Variants in OR1S2 observed in about 807,000 individuals in gnomAD.
The protein encoded by OR1S2 is olfactory receptor family 1 subfamily S member 2.
Under a neutral mutation model 1.7 loss-of-function variants are expected in OR1S2, and 1 was observed. The ratio of observed to expected loss-of-function variants is 0.59; its 90% CI spans 0.21 to 2.81. OR1S2 has a LOEUF of 2.81. Ranked by LOEUF, OR1S2 falls within the 30% of genes most tolerant of loss-of-function variation. The probability of loss-of-function intolerance (pLI) is 0.22; values close to 1 mark genes in which losing one functional copy is unlikely to be tolerated. For missense variants in OR1S2, 391 were observed against 371.6 expected (o/e 1.05, Z -0.43); for synonymous variants, 157 against 145.3 (o/e 1.08, Z -0.58).
exon 1 of OR1S2, chr11:58,203,760 T>C (rs1464664617): frequency 6.2e-7 from 1 of 1,613,976 alleles, no homozygotes; most frequent in Admixed American, 1.7e-5. Context: ...GTTCAGAGGG[T>C]GGCAGATCGC....
chr11:58,203,984 T>A (rs768128748), exon 1 of OR1S2: 1 of 1,613,702 alleles, frequency 6.2e-7, no homozygotes, highest in African/African-American at 1.3e-5. Flanking sequence ...TGTGAAGGTA[T>A]ATATCCAAGC....
rs1251473327 is a variant in OR1S2, at chr11:58,204,049, G to A, written c.94C>T (p.Leu32=). ...ACCACAGTGACCACATACATACTCA[G>A]GAAAAGCACAAAGAGGAGGTTTTGA... The change falls in exon 1 of 1, where the codon CTG becomes TTG. Residue 32 remains leucine (L), a synonymous_variant. Coordinates refer to ENST00000641683, the Ensembl canonical transcript of OR1S2. 6 of 1,613,754 alleles carry A rather than the reference G, an allele frequency of 3.7e-6. No individual in the cohort carries two copies. The South Asian group carries it at 4.4e-5, about 12-fold the overall frequency.
exon 1 of OR1S2, chr11:58,203,504 G>C (rs752458580): frequency 1.9e-6 from 3 of 1,614,094 alleles, no homozygotes; most frequent in Non-Finnish European, 2.5e-6. Flanking sequence ...AGAAGAAGAT[G>C]AGTACAAAGG....
rs771274033 is a variant in OR1S2 at position 58,203,326 on chromosome 11, T to C, written c.817A>G (p.Ile273Val). 30 of 1,613,942 alleles carry C rather than the reference T, an allele frequency of 1.9e-5. No homozygotes were observed. Among genetic ancestry groups the C allele is most frequent in the Admixed American group, 5.0e-5 (3 of 59,984 alleles). Residue 273 changes from isoleucine to valine, a missense_variant, in exon 1 of 1, where the codon ATT becomes GTT. Ile to Val is a conservative substitution (Grantham distance 29). Transcript: ENST00000641683. ...ACCACAGTGAATAGGACAGCACCAATCTTATCAGTGTCCTCAGGGTGAGTG... is the reference window on the plus strand; with the variant it reads ...ACCACAGTGAATAGGACAGCACCAACCTTATCAGTGTCCTCAGGGTGAGTG...
At chr11:58,203,957 G>T in exon 1 of OR1S2, 1 of 1,614,128 alleles carries the variant, frequency 6.2e-7, no homozygotes, top group Non-Finnish European at 8.5e-7. Context: ...GGTAGGCAAG[G>T]AAGAGATACA....
chr11:58,203,731 C>A, exon 1 of OR1S2: 1 of 1,613,366 alleles, frequency 6.2e-7, no homozygotes, highest in Admixed American at 1.7e-5. Context: ...CCGAACCTGG[C>A]CCGCATGAAA....
At chr11:58,203,393 C>T (rs950214852) in exon 1 of OR1S2, 1 of 1,614,004 alleles carries the variant, frequency 6.2e-7, no homozygotes, top group African/African-American at 1.3e-5. Flanking sequence ...TTCCGTAGAA[C>T]AGTAATGCAA....
At chr11:58,203,342 A>C (rs767894447) in exon 1 of OR1S2, 1 of 1,614,094 alleles carries the variant, frequency 6.2e-7, no homozygotes, top group Non-Finnish European at 8.5e-7. Flanking sequence ...CAGTGTCCTC[A>C]GGGTGAGTGG....
chr11:58,203,386 C>T (rs747820933), exon 1 of OR1S2: 40 of 1,613,730 alleles, frequency 2.5e-5, no homozygotes, highest in East Asian at 4.5e-5. Context: ...ACAGTGGTTC[C>T]GTAGAACAGT....
At chr11:58,203,887 G>C (rs377033485) in exon 1 of OR1S2, 2 of 1,613,990 alleles carry the variant, frequency 1.2e-6, no homozygotes, top group Non-Finnish European at 1.7e-6. Context: ...CTGTTGGTTT[G>C]AATATTCACC....
At chr11:58,203,577 C>A (rs1203716110) in exon 1 of OR1S2, 5 of 1,614,024 alleles carry the variant, frequency 3.1e-6, no homozygotes, top group Non-Finnish European at 3.4e-6. Context: ...TGTATCTGAA[C>A]AGGACAGTTT....
At chr11:58,203,289 A>C in exon 1 of OR1S2, 1 of 1,614,016 alleles carries the variant, frequency 6.2e-7, no homozygotes, top group Non-Finnish European at 8.5e-7. Flanking sequence ...GAAGGGGTTC[A>C]TCATGGGTGT....
Position 58,203,863 on chromosome 11 carries a change from A to C in OR1S2, c.280T>G (p.Tyr94Asp). 5.6e-6 allele frequency: 9 copies of C among 1,614,142 alleles called. No homozygotes were observed. The highest frequency in any genetic ancestry group is 6.8e-6 in the Non-Finnish European group (8 of 1,179,998). The change falls in exon 1 of 1, where the codon TAT becomes GAT. Residue 94 changes from tyrosine to aspartate, a missense_variant. Coordinates refer to ENST00000641683, the Ensembl canonical transcript of OR1S2. ...TACATCTGTGTGATGCAGCTCTCAT[A>C]AGAGATGGATTGGCTGTTGGTTTGA...
exon 1 of OR1S2, chr11:58,203,418 C>T: frequency 2.5e-6 from 4 of 1,613,938 alleles, no homozygotes; most frequent in Middle Eastern, 1.7e-4. Flanking sequence ...CAGGTGAGAG[C>T]CACAAGTGGA....
chr11:58,204,008 G>T (rs780246369), exon 1 of OR1S2: 1 of 1,614,056 alleles, frequency 6.2e-7, no homozygotes, highest in Non-Finnish European at 8.5e-7. Context: ...TAGCCACAAT[G>T]ATGAGCCCGT....
exon 1 of OR1S2, chr11:58,203,353 A>G: frequency 1.2e-6 from 2 of 1,614,036 alleles, no homozygotes; most frequent in Middle Eastern, 1.7e-4. Context: ...GGGTGAGTGG[A>G]GGAGGGGAAA....
At chr11:58,203,334 G>C in exon 1 of OR1S2, 1 of 1,614,066 alleles carries the variant, frequency 6.2e-7, no homozygotes. Flanking sequence ...AATCTTATCA[G>C]TGTCCTCAGG....
exon 1 of OR1S2, chr11:58,204,007 T>C (rs1394337736): frequency 6.2e-7 from 1 of 1,613,826 alleles, no homozygotes; most frequent in Non-Finnish European, 8.5e-7. Context: ...ATAGCCACAA[T>C]GATGAGCCCG....
chr11:58,203,506 G>T lies in OR1S2; in HGVS notation c.637C>A (p.Leu213Ile), dbSNP rs755734906. Residue 213 changes from leucine (L) to isoleucine (I), a missense_variant, in exon 1 of 1, where the codon CTC becomes ATC. Physicochemically the swap from Leu to Ile is conservative, Grantham distance 5 (BLOSUM62 2). Coordinates refer to ENST00000641683, the Ensembl canonical transcript of OR1S2. Reference sequence around the variant, plus strand: ...ATGCAGACATAGGAGAAGAAGATGAGTACAAAGGGGAAGATGATAACTGAT... The same window carrying T: ...ATGCAGACATAGGAGAAGAAGATGATTACAAAGGGGAAGATGATAACTGAT... 3.7e-5 allele frequency: 60 copies of T among 1,613,938 alleles called. No homozygotes were observed. Among genetic ancestry groups the T allele is most frequent in the Non-Finnish European group, 4.9e-5 (58 of 1,179,996 alleles).
Sources: gnomAD v4.1 joint callset for allele counts on GRCh38, gnomAD v4.1.1 for gene constraint, MANE v1.5 for transcripts, NCBI Gene and HGNC (gene_info 2026-07-23, HGNC 2026-07-21) for gene names.